NSFL1C: variants seen among roughly 807,000 people sequenced by gnomAD.
NSFL1C encodes the protein NSFL1 cofactor p47.
In NSFL1C, 14 loss-of-function variants were observed where a neutral mutation model predicts 43.1. The observed-to-expected ratio is 0.32, with a 90% CI of 0.21 to 0.51. The LOEUF (loss-of-function observed/expected upper bound fraction) is 0.51. Among genes scored for constraint, NSFL1C ranks in the 20% least tolerant of loss-of-function variants. NSFL1C has a pLI of 0.98. For synonymous variants in NSFL1C, 171 were observed against 183.5 expected (o/e 0.93, Z 0.55); for missense variants, 406 against 472.5 (o/e 0.86, Z 1.30).
intron 8 of NSFL1C, among the ~76,000 whole-genome samples, chr20:1,445,104 C>A (rs2090031234): frequency 6.6e-6 from 1 of 152,232 alleles, no homozygotes. Context: ...AGTCTCTTCA[C>A]TTTGCTGTGG....
At position 1,464,422 on chromosome 20, in the gene NSFL1C, G is replaced by A; in HGVS notation, c.110C>T (p.Ala37Val). ...LESAGWDLQI[A>V]LASFYEDGGD... Reference sequence around the variant, plus strand: ...TCCGTCCTCATAAAAGCTCGCTAGCGCGATCTGAAACAGAGAGGTAGTACC... The same window carrying A: ...TCCGTCCTCATAAAAGCTCGCTAGCACGATCTGAAACAGAGAGGTAGTACC... Residue 37 changes from alanine to valine, a missense_variant, in exon 2 of 9, where the codon GCG becomes GTG. Coordinates refer to ENST00000216879, the MANE Select transcript of NSFL1C (RefSeq NM_016143.5). The A allele has an allele frequency of 1.2e-6, 2 of 1,614,160 alleles. No individual in the cohort carries two copies. Among genetic ancestry groups the A allele is most frequent in the Non-Finnish European group, 1.7e-6 (2 of 1,179,966 alleles).
chr20:1,464,603 G>C (rs951550546), intron 1 of NSFL1C, among the ~76,000 whole-genome samples, 177 bp from the exon 2 acceptor site: 1 of 152,240 alleles, frequency 6.6e-6, no homozygotes, highest in Non-Finnish European at 1.5e-5. Context: ...CGTGTCAACT[G>C]AAACAAATTC....
intron 1 of NSFL1C, among the ~76,000 whole-genome samples, chr20:1,465,811 G>A (rs557178291): frequency 3.3e-5 from 5 of 152,286 alleles, no homozygotes; most frequent in Admixed American, 3.3e-4. Flanking sequence ...AGACAGAACT[G>A]GGTTCCACTT....
intron 8 of NSFL1C, 37 bp downstream of exon 8, chr20:1,445,629 A>G (rs960557508): frequency 1.4e-5 from 22 of 1,606,086 alleles, no homozygotes; most frequent in Non-Finnish European, 1.9e-5. Context: ...CCCAGAGGAC[A>G]CTCCTAGAAT....
chr20:1,462,607 C>T (rs750333310), intron 2 of NSFL1C, among the ~76,000 whole-genome samples: 3 of 151,800 alleles, frequency 2.0e-5, no homozygotes, highest in Admixed American at 1.3e-4. Context: ...CTGCAAGCTC[C>T]GCCCCCCGGG....
At position 1,442,267 on chromosome 20, in the gene NSFL1C, G is replaced by A. The variant is rs139525846; in HGVS notation, c.*1482C>T. On this transcript the variant is annotated 3_prime_UTR_variant, in exon 9 of 9. Coordinates refer to ENST00000216879, the MANE Select transcript of NSFL1C (RefSeq NM_016143.5). ...ATCTCCACCTGCTGGAGAAAACACC[G>A]TGACAGATGCCATTGCCCCAGCAGG... The A allele has an allele frequency of 3.9e-5, 6 of 152,364 alleles. No homozygotes were observed. Among genetic ancestry groups the A allele is most frequent in the East Asian group, 3.9e-4 (2 of 5,188 alleles). The allele number at this position is 152,364 out of a possible 1,614,324, so 9.4% of individuals were successfully genotyped here. A position where few individuals can be genotyped will look rare whatever the true frequency, so the allele number is the denominator to read the frequency against.
intron 3 of NSFL1C, 93 bp downstream of exon 3, chr20:1,458,107 C>T: frequency 9.7e-7 from 1 of 1,035,552 alleles, no homozygotes; most frequent in South Asian, 1.3e-5. Flanking sequence ...TAACAATAAC[C>T]AAACATGTTT....
At chr20:1,463,528 A>T (rs186432522) in intron 2 of NSFL1C, 6 of 152,260 alleles carry the variant, frequency 3.9e-5, no homozygotes, top group Non-Finnish European at 7.3e-5. Context: ...TTTAAACCTC[A>T]GTTGCCTTTA....
chr20:1,460,142 A>AATC, intron 2 of NSFL1C, among the ~76,000 whole-genome samples: 1 of 152,328 alleles, frequency 6.6e-6, no homozygotes, highest in East Asian at 1.9e-4. Context: ...TAAATAAGAC[A>AATC]ATCACAGCAC....
chr20:1,458,881 G>A (rs1216518236), intron 2 of NSFL1C, among the ~76,000 whole-genome samples: 1 of 151,422 alleles, frequency 6.6e-6, no homozygotes, highest in African/African-American at 2.4e-5. Context: ...AAGCTCCAGT[G>A]TACTTCTGCT....
intron 3 of NSFL1C, chr20:1,455,746 TCAG>T: frequency 1.3e-6 from 1 of 779,352 alleles, no homozygotes; most frequent in Non-Finnish European, 2.4e-6. Flanking sequence ...GAGGTTCAAA[TCAG>T]CAGATGTATG....
intron 2 of NSFL1C, among the ~76,000 whole-genome samples, chr20:1,460,737 G>A (rs911143561): frequency 6.6e-6 from 1 of 152,214 alleles, no homozygotes; most frequent in Non-Finnish European, 1.5e-5. Context: ...CTGAAATGTG[G>A]TTAGAGAAAA....
chr20:1,455,281 C>T, intron 3 of NSFL1C, 149 bp from the exon 4 acceptor site: 1 of 895,014 alleles, frequency 1.1e-6, no homozygotes. Flanking sequence ...TGGAAGGAGG[C>T]AAGCAGGTAA....
intron 2 of NSFL1C, 146 bp downstream of exon 2, chr20:1,464,183 C>T: frequency 1.5e-6 from 1 of 677,406 alleles, no homozygotes; most frequent in Non-Finnish European, 2.6e-6. Flanking sequence ...TGACTGAGGC[C>T]TGCTGGGAAG....
chr20:1,457,342 T>A (rs1014741210), intron 3 of NSFL1C, among the ~76,000 whole-genome samples: 2 of 152,224 alleles, frequency 1.3e-5, no homozygotes, highest in Admixed American at 6.5e-5. Flanking sequence ...TATATACTTA[T>A]GGTGTACAAA....
chr20:1,454,906 G>T, intron 4 of NSFL1C, 61 bp downstream of exon 4: 1 of 1,545,784 alleles, frequency 6.5e-7, no homozygotes, highest in Non-Finnish European at 8.9e-7. Flanking sequence ...GGTGAAGAAG[G>T]TGGCATTCCC....
At position 1,454,310 on chromosome 20, in the gene NSFL1C, A is replaced by T. The variant is rs1267874675; in HGVS notation, c.445-5T>A. On this transcript the variant is annotated splice_region_variant and splice_polypyrimidine_tract_variant and intron_variant, in intron 4 of 8. Transcript: ENST00000216879. ...GTAGCCACCTCCTGCAAATGGCTATAAGGGACAAGTTCATACACATTTAAG... is the reference window on the plus strand; with the variant it reads ...GTAGCCACCTCCTGCAAATGGCTATTAGGGACAAGTTCATACACATTTAAG... 9 of 1,607,360 alleles carry T rather than the reference A, an allele frequency of 5.6e-6. No homozygotes were observed. Among genetic ancestry groups the T allele is most frequent in the Non-Finnish European group, 7.7e-6 (9 of 1,175,678 alleles).
rs1270489689 is a variant in NSFL1C at position 1,445,775 on chromosome 20, C to T, written c.841G>A (p.Ala281Thr). The change falls in exon 8 of 9, where the codon GCC (alanine) becomes ACC (threonine). Residue 281 changes from alanine (A) to threonine (T), a missense_variant. Physicochemically the swap from Ala to Thr is moderately conservative, Grantham distance 58. Around this residue, in one of 3 missense-constraint regions of NSFL1C, gnomAD observed 196 missense variants for 228.0 expected, o/e 0.86. Coordinates refer to ENST00000216879, the MANE Select transcript of NSFL1C (RefSeq NM_016143.5). Reference sequence around the variant, plus strand: ...ATTAAGATGGAAGAGCTGGCTTTGGCTTCATTTTCTGCCTGTTGGGCTGGA... The same window carrying T: ...ATTAAGATGGAAGAGCTGGCTTTGGTTTCATTTTCTGCCTGTTGGGCTGGA... Reference protein sequence around the residue: ...SSPAQQAENEAKASSSILIDE... With the variant: ...SSPAQQAENETKASSSILIDE... 1.9e-6 allele frequency: 3 copies of T among 1,614,018 alleles called. No homozygotes were observed. The highest frequency in any genetic ancestry group is 2.5e-6 in the Non-Finnish European group (3 of 1,180,002).
chr20:1,452,750 G>T, intron 6 of NSFL1C, 120 bp from the exon 7 acceptor site: 1 of 1,260,022 alleles, frequency 7.9e-7, no homozygotes, highest in Non-Finnish European at 1.1e-6. Context: ...TCCAAAGGGA[G>T]CAGGCTACTC....
Sources: gnomAD v4.1 joint callset for allele counts (sites outside exome capture counted in the v4.1 genomes callset) on GRCh38, gnomAD v4.1.1 for gene constraint, gnomAD v4.1.1 regional missense constraint, MANE v1.5 for transcripts, NCBI Gene and HGNC (gene_info 2026-07-23, HGNC 2026-07-21) for gene names.